OXR1: variants seen among roughly 807,000 people sequenced by gnomAD.
OXR1 encodes the protein oxidation resistance 1, also known as oxidation resistance protein 1.
OXR1 carries 41 observed loss-of-function variants against 104.6 expected under a neutral mutation model. The observed-to-expected ratio is 0.39, with a 90% CI of 0.31 to 0.51. The LOEUF (loss-of-function observed/expected upper bound fraction) is 0.51, where lower values mean the gene tolerates loss of function less well. OXR1 is among the 20% of genes least tolerant of loss of function. OXR1 has a pLI of 0.77. For synonymous variants in OXR1, 348 were observed against 348.4 expected (o/e 1.00, Z 0.01); for missense variants, 955 against 1,031.9 (o/e 0.93, Z 1.02).
intron 3 of OXR1, among the ~76,000 whole-genome samples, chr8:106,670,462 A>G (rs923327419): frequency 3.9e-5 from 6 of 152,228 alleles, no homozygotes; most frequent in African/African-American, 1.2e-4. Context: ...ACAATAGAGA[A>G]TAGAAACAGG....
intron 1 of OXR1, among the ~76,000 whole-genome samples, chr8:106,336,273 G>A (rs1434826626): frequency 6.6e-6 from 1 of 152,166 alleles, no homozygotes. Context: ...GCCATTGTCT[G>A]GCACCCCAGT....
At chr8:106,703,464 A>G (rs1830764193) in intron 8 of OXR1, among the ~76,000 whole-genome samples, 1 of 151,834 alleles carries the variant, frequency 6.6e-6, no homozygotes, top group Non-Finnish European at 1.5e-5. Flanking sequence ...AAGAGCTGTG[A>G]TTTGAGAGAG....
chr8:106,544,539 T>C (rs1317224916), intron 3 of OXR1, among the ~76,000 whole-genome samples: 1 of 152,218 alleles, frequency 6.6e-6, no homozygotes, highest in Non-Finnish European at 1.5e-5. Flanking sequence ...AAAAGAGCTG[T>C]AGGGAAAAGA....
intron 2 of OXR1, among the ~76,000 whole-genome samples, chr8:106,392,032 C>T (rs1042876827): frequency 1.2e-4 from 19 of 152,162 alleles, no homozygotes; most frequent in African/African-American, 3.6e-4. Flanking sequence ...ATCATCAGAG[C>T]TGCAGGACGT....
chr8:106,506,930 G>GA (rs80220185), intron 2 of OXR1, among the ~76,000 whole-genome samples: 3,328 of 142,728 alleles, frequency 0.023, 93 homozygotes, highest in African/African-American at 0.072. Flanking sequence ...GTGTCTTCCA[G>GA]AAAAAAAAAA....
rs10650045 is a variant in OXR1, at chr8:106,335,025, G to GACACAC, written c.-138-24441_-138-24436dup. 3.4e-3 allele frequency among the ~76,000 whole-genome samples: 511 copies of GACACAC among 150,868 alleles called. 1 individual carries two copies. Among genetic ancestry groups the GACACAC allele is most frequent in the African/African-American group, 0.011 (469 of 41,038 alleles). ...ACCCTTCACATCAGACACATACATT[G>GACACAC]ACACACACACACACAAATGCACACA... On this transcript the variant is annotated intron_variant, in intron 1 of 16. Transcript: ENST00000517566.
intron 3 of OXR1, among the ~76,000 whole-genome samples, chr8:106,670,109 T>A (rs538791825): frequency 6.6e-6 from 1 of 152,130 alleles, no homozygotes; most frequent in South Asian, 2.1e-4. Flanking sequence ...TTTGACAGGC[T>A]GTGGGTATAA....
chr8:106,703,742 G>A (rs925529057), intron 8 of OXR1, among the ~76,000 whole-genome samples: 2 of 151,310 alleles, frequency 1.3e-5, no homozygotes, highest in African/African-American at 2.5e-5. Flanking sequence ...TGGCCAGAAA[G>A]AAAAGGAGGA....
intron 2 of OXR1, among the ~76,000 whole-genome samples, chr8:106,419,035 C>A (rs1429337686): frequency 6.6e-6 from 1 of 152,068 alleles, no homozygotes; most frequent in Non-Finnish European, 1.5e-5. Context: ...ATATAATAAG[C>A]AAAATATTCC....
chr8:106,326,706 A>C (rs1454522737), intron 1 of OXR1, among the ~76,000 whole-genome samples: 2 of 152,126 alleles, frequency 1.3e-5, no homozygotes, highest in Non-Finnish European at 1.5e-5. Context: ...CAGTGCAAGG[A>C]CCATGAGGTG....
chr8:106,626,307 TGAA>T (rs1251695649), intron 3 of OXR1, among the ~76,000 whole-genome samples: 1 of 151,700 alleles, frequency 6.6e-6, no homozygotes, highest in Non-Finnish European at 1.5e-5. Flanking sequence ...GATGATAAGA[TGAA>T]GGTTATCTTT....
chr8:106,703,503 G>A (rs3101538), intron 8 of OXR1, among the ~76,000 whole-genome samples: 44,563 of 150,986 alleles, frequency 0.3, 8,408 homozygotes, highest in African/African-American at 0.54. Flanking sequence ...TGACATTGCT[G>A]TGGGCAAGAC....
At chr8:106,514,480 C>T (rs1176903025) in intron 2 of OXR1, among the ~76,000 whole-genome samples, 8 of 152,050 alleles carry the variant, frequency 5.3e-5, no homozygotes, top group African/African-American at 1.2e-4. Flanking sequence ...AGAACAAAAA[C>T]GTGATGCCCT....
intron 2 of OXR1, among the ~76,000 whole-genome samples, chr8:106,420,705 C>T (rs547353962): frequency 8.7e-5 from 13 of 148,854 alleles, no homozygotes; most frequent in African/African-American, 3.3e-4. Context: ...TCAAAGAGAC[C>T]ATGCTCTGAC....
At chr8:106,434,367 G>T (rs1333720321) in intron 2 of OXR1, among the ~76,000 whole-genome samples, 1 of 152,148 alleles carries the variant, frequency 6.6e-6, no homozygotes, top group African/African-American at 2.4e-5. Context: ...TGACAGAGTT[G>T]TAAGCTTTAT....
At chr8:106,653,817 T>G (rs187126199) in intron 3 of OXR1, among the ~76,000 whole-genome samples, 12 of 152,064 alleles carry the variant, frequency 7.9e-5, no homozygotes, top group Admixed American at 2.0e-4. Context: ...ACAGAAAACA[T>G]GTACTTATAT....
intron 3 of OXR1, among the ~76,000 whole-genome samples, chr8:106,662,868 A>T (rs1271308082): frequency 7.8e-6 from 1 of 128,974 alleles, no homozygotes. Context: ...GATGATGATG[A>T]TGATGATGAT....
At chr8:106,301,047 A>G (rs574521448) in intron 1 of OXR1, among the ~76,000 whole-genome samples, 1 of 152,310 alleles carries the variant, frequency 6.6e-6, no homozygotes, top group South Asian at 2.1e-4. Flanking sequence ...AGGTACAAAA[A>G]TGTAAGTGAT....
chr8:106,713,245 G>A (rs568847948), intron 10 of OXR1, among the ~76,000 whole-genome samples: 1 of 152,004 alleles, frequency 6.6e-6, no homozygotes, highest in South Asian at 2.1e-4. Context: ...TGAAATGTGT[G>A]TGTGACTCTC....
Sources: allele counts gnomAD v4.1 joint callset (sites outside exome capture counted in the v4.1 genomes callset), GRCh38; gene constraint gnomAD v4.1.1; transcripts MANE v1.5; gene names NCBI Gene and HGNC (gene_info 2026-07-23, HGNC 2026-07-21).